The following NIPAL3 variants were observed in gnomAD, a reference collection of about 807,000 sequenced individuals.
The protein encoded by NIPAL3 is NIPA-like protein 3.
A neutral mutation model predicts 47.2 loss-of-function variants in NIPAL3; 41 were observed. The observed-to-expected ratio is 0.87, with a 90% CI of 0.68 to 1.13. The LOEUF is 1.13. Among genes scored for constraint, NIPAL3 ranks in the 50% most tolerant of loss-of-function variants. The probability of loss-of-function intolerance (pLI) is 0.00; values close to 1 mark genes in which losing one functional copy is unlikely to be tolerated. For missense variants in NIPAL3, 449 were observed against 530.1 expected (o/e 0.85, Z 1.50); for synonymous variants, 194 against 209.6 (o/e 0.93, Z 0.64).
At chr1:24,465,705 G>C (rs964592022) in intron 11 of NIPAL3, 43 of 207,072 alleles carry the variant, frequency 2.1e-4, no homozygotes, top group African/African-American at 9.5e-4. Context: ...CCTTCCTGCT[G>C]TGTGACCTCC....
In NIPAL3 at chr1:24,470,799, G is replaced by A. The variant is rs1195377240; in HGVS notation, c.*1614G>A. 6.6e-6 allele frequency: 1 copy of A among 152,194 alleles called. No homozygotes were observed. The highest frequency in any genetic ancestry group is 2.4e-5 in the African/African-American group (1 of 41,452). 9.4% of individuals were successfully genotyped at this position (152,194 alleles called of 1,614,324 possible). On this transcript the variant is annotated 3_prime_UTR_variant, in exon 12 of 12. Transcript: ENST00000374399. ...TGTCTGTGATAACCACTTCTGTATT[G>A]CGTCTTAACCACTTCTGTATTGTGT...
intron 2 of NIPAL3, among the ~76,000 whole-genome samples, chr1:24,439,947 G>A (rs1485719774): frequency 3.9e-5 from 6 of 152,202 alleles, no homozygotes; most frequent in African/African-American, 7.2e-5. Context: ...CAGTGTGATC[G>A]GGCCACCAAA....
chr1:24,439,356 TA>T (rs1259506680), intron 2 of NIPAL3, among the ~76,000 whole-genome samples: 1 of 152,088 alleles, frequency 6.6e-6, no homozygotes, highest in South Asian at 2.1e-4. Context: ...ATATGTTAAG[TA>T]AAAAAACAGA....
chr1:24,469,321 T>G lies in NIPAL3; in HGVS notation c.*136T>G. The stretch of plus-strand genomic sequence containing the variant: ...GGATGATGATCTCAAAAAGCCTTTG[T>G]CTCTGGGAAAGGATGCGTTATCTTG... On this transcript the variant is annotated 3_prime_UTR_variant, in exon 12 of 12. Transcript: ENST00000374399. 2 of 715,744 alleles carry G rather than the reference T, an allele frequency of 2.8e-6. No individual in the cohort carries two copies. The highest frequency in any genetic ancestry group is 4.5e-6 in the Non-Finnish European group (2 of 447,096). 44.3% of individuals were successfully genotyped at this position (715,744 alleles called of 1,614,324 possible).
At chr1:24,421,896 G>A (rs887561293) in intron 2 of NIPAL3, 1 of 152,154 alleles carries the variant, frequency 6.6e-6, no homozygotes, top group Non-Finnish European at 1.5e-5. Context: ...ATTTAAACCC[G>A]GGTCAGACCA....
At position 24,458,869 on chromosome 1, in the gene NIPAL3, G is replaced by T; in HGVS notation, c.774-19G>T. Reference sequence around the variant, plus strand: ...CAACGTCTCCACAGCCCACTGACTGGAGTGCTTTTGTGTTGAAGGTTTTTG... The same window carrying T: ...CAACGTCTCCACAGCCCACTGACTGTAGTGCTTTTGTGTTGAAGGTTTTTG... On this transcript the variant is annotated intron_variant, in intron 8 of 11. Coordinates refer to ENST00000374399, the MANE Select transcript of NIPAL3 (RefSeq NM_020448.5). The T allele has an allele frequency of 1.9e-6, 3 of 1,606,232 alleles. No homozygotes were observed. The highest frequency in any genetic ancestry group is 2.2e-5 in the South Asian group (2 of 90,910).
chr1:24,451,134 T>A lies in NIPAL3; in HGVS notation c.540+1508T>A, dbSNP rs147317268. 3.7e-4 allele frequency among the ~76,000 whole-genome samples: 57 copies of A among 152,326 alleles called. No individual in the cohort carries two copies. Among genetic ancestry groups the A allele is most frequent in the Admixed American group, 1.7e-3 (26 of 15,308 alleles). On this transcript the variant is annotated intron_variant, in intron 6 of 11. Transcript: ENST00000374399. The surrounding 1 kb of genome is among the most constrained non-coding windows in gnomAD (Gnocchi z 4.5). ...CTATTGGGAGATCCAGGAAGTAGCA[T>A]TTAAGTCACCCAGAAGGTGGTAGAT...
chr1:24,420,234 G>T (rs1158201428), intron 2 of NIPAL3: 1 of 152,228 alleles, frequency 6.6e-6, no homozygotes, highest in Non-Finnish European at 1.5e-5. Context: ...AGTTGTGGTG[G>T]CTCATGGCTG....
intron 2 of NIPAL3, among the ~76,000 whole-genome samples, chr1:24,430,023 G>C (rs1051584558): frequency 6.6e-6 from 1 of 152,150 alleles, no homozygotes; most frequent in African/African-American, 2.4e-5. Flanking sequence ...AAAAGTATTA[G>C]AAATGAATAT....
At chr1:24,421,933 G>A (rs758485134) in intron 2 of NIPAL3, 3 of 152,194 alleles carry the variant, frequency 2.0e-5, no homozygotes, top group Non-Finnish European at 4.4e-5. Flanking sequence ...TCCTAACTGC[G>A]GCGCTGCTCT....
Position 24,423,579 on chromosome 1 carries a change from G to A in NIPAL3, c.93+3939G>A, listed in dbSNP as rs141628184. Among the ~76,000 whole-genome samples, 623 of 152,162 alleles carry A rather than the reference G, an allele frequency of 4.1e-3. 3 individuals carry two copies. The highest frequency in any genetic ancestry group is 0.014 in the African/African-American group (587 of 41,500). ...CGGGAGGCAGAGCTTGCAGTGAGCC[G>A]AGATCGCACCACTGCACTCCAGCCT... is the stretch of plus-strand genomic sequence containing the variant. On this transcript the variant is annotated intron_variant, in intron 2 of 11. Coordinates refer to ENST00000374399, the MANE Select transcript of NIPAL3 (RefSeq NM_020448.5).
intron 2 of NIPAL3, among the ~76,000 whole-genome samples, chr1:24,438,813 A>G (rs566539131): frequency 6.6e-6 from 1 of 152,348 alleles, no homozygotes; most frequent in African/African-American, 2.4e-5. Context: ...AGCATTGGCC[A>G]GCATAGAGCA....
In NIPAL3 at chr1:24,419,499, C is replaced by G; in HGVS notation, c.-49C>G. The G allele has an allele frequency of 6.5e-7, 1 of 1,528,286 alleles. No homozygotes were observed. The highest frequency in any genetic ancestry group is 8.8e-7 in the Non-Finnish European group (1 of 1,135,358). 94.7% of individuals were successfully genotyped at this position (1,528,286 alleles called of 1,614,324 possible). Reference sequence around the variant, plus strand: ...ATCTGGCCTGGGCCCCGCCTAGCAGCAGCTCCACCTCCTAGGCCAGGCCCT... The same window carrying G: ...ATCTGGCCTGGGCCCCGCCTAGCAGGAGCTCCACCTCCTAGGCCAGGCCCT... On this transcript the variant is annotated 5_prime_UTR_variant, in exon 2 of 12. Coordinates refer to ENST00000374399, the MANE Select transcript of NIPAL3 (RefSeq NM_020448.5).
chr1:24,463,206 TAAAAA>T (rs1255582323), intron 10 of NIPAL3, among the ~76,000 whole-genome samples: 15 of 151,410 alleles, frequency 9.9e-5, no homozygotes, highest in African/African-American at 2.2e-4. Context: ...ATCAAAAAAA[TAAAAA>T]AGGAAGATGA....
At chr1:24,452,529 CAG>C (rs1645986394) in intron 6 of NIPAL3, among the ~76,000 whole-genome samples, 1 of 152,102 alleles carries the variant, frequency 6.6e-6, no homozygotes, top group South Asian at 2.1e-4. Flanking sequence ...CCCTACTCCA[CAG>C]AGGGTTAACT....
chr1:24,445,997 C>A (rs1470032950), intron 5 of NIPAL3, among the ~76,000 whole-genome samples: 2 of 151,806 alleles, frequency 1.3e-5, no homozygotes, highest in African/African-American at 4.8e-5. Flanking sequence ...CCTACTAAGT[C>A]CCATGTTGTG....
At chr1:24,466,938 G>A (rs1646722982) in intron 11 of NIPAL3, among the ~76,000 whole-genome samples, 1 of 152,168 alleles carries the variant, frequency 6.6e-6, no homozygotes, top group South Asian at 2.1e-4. Flanking sequence ...TTCACAGACT[G>A]GGTCTTCCCA....
At chr1:24,465,917 C>A in intron 11 of NIPAL3, 1 of 1,461,966 alleles carries the variant, frequency 6.8e-7, no homozygotes, top group Non-Finnish European at 9.1e-7. Flanking sequence ...AATAAAACTG[C>A]TGAACAGTCT....
intron 2 of NIPAL3, among the ~76,000 whole-genome samples, chr1:24,421,268 T>C (rs1356311667): frequency 1.3e-5 from 2 of 151,964 alleles, no homozygotes; most frequent in Non-Finnish European, 2.9e-5. Flanking sequence ...GGGAAGATCA[T>C]TTGAGCCAGG....
Sources: gnomAD v4.1 joint callset for allele counts (sites outside exome capture counted in the v4.1 genomes callset) on GRCh38, gnomAD v4.1.1 for gene constraint, Gnocchi (gnomAD v3.1) non-coding constraint, MANE v1.5 for transcripts, NCBI Gene and HGNC (gene_info 2026-07-23, HGNC 2026-07-21) for gene names.